Variants in SGCD observed in about 807,000 individuals in gnomAD.
SGCD encodes the protein delta-sarcoglycan.
A neutral mutation model predicts 36.6 loss-of-function variants in SGCD; 18 were observed. The ratio of observed to expected loss-of-function variants is 0.49; its 90% confidence interval spans 0.34 to 0.73. SGCD has a LOEUF of 0.73. Among genes scored for constraint, SGCD ranks in the 30% least tolerant of loss-of-function variants. The probability of loss-of-function intolerance (pLI) is 0.01; values close to 1 mark genes in which losing one functional copy is unlikely to be tolerated. For synonymous variants in SGCD, 133 were observed against 130.6 expected, an observed-to-expected ratio of 1.02 and a Z score of -0.12; for missense variants, 387 against 346.7, an observed-to-expected ratio of 1.12 and a Z score of -0.92.
chr5:156,151,606 A>G (rs1225391735), intron 3 of SGCD, among the ~76,000 whole-genome samples: 1 of 151,548 alleles, frequency 6.6e-6, no homozygotes, highest in Admixed American at 6.6e-5. Context: ...TTCTTAGAGT[A>G]AAAGGACATC....
chr5:156,566,032 C>T (rs1581177120), intron 4 of SGCD, among the ~76,000 whole-genome samples: 1 of 151,876 alleles, frequency 6.6e-6, no homozygotes, highest in African/African-American at 2.4e-5. Flanking sequence ...CAAAAAGTGG[C>T]CAAAGGATAT....
chr5:156,166,801 C>G (rs1382810064), intron 3 of SGCD, among the ~76,000 whole-genome samples: 1 of 152,178 alleles, frequency 6.6e-6, no homozygotes, highest in Non-Finnish European at 1.5e-5. Flanking sequence ...CAAACACTTT[C>G]CACTGAAAAA....
rs532409836 is a variant in SGCD at position 156,337,143 on chromosome 5, G to A, written c.4-7346G>A. On this transcript the variant is annotated intron_variant, in intron 2 of 8. Coordinates refer to ENST00000337851, the MANE Select transcript of SGCD (RefSeq NM_000337.6). The stretch of plus-strand genomic sequence containing the variant: ...AACAGTTTTACCTAAAAACTAATAT[G>A]GCTAATGGATTTCTATTTCTGTACC... Among the ~76,000 whole-genome samples the A allele has an allele frequency of 5.1e-4, 77 of 152,250 alleles. No homozygotes were observed. The South Asian group carries it at 0.016, about 31-fold the overall frequency.
chr5:156,113,226 T>A (rs1761831727), intron 1 of SGCD, among the ~76,000 whole-genome samples: 1 of 152,198 alleles, frequency 6.6e-6, no homozygotes, highest in Non-Finnish European at 1.5e-5. Context: ...TGTTTAAAAA[T>A]ACTTATTTTT....
intron 3 of SGCD, among the ~76,000 whole-genome samples, chr5:156,235,840 C>T (rs912515792): frequency 1.3e-5 from 2 of 152,186 alleles, no homozygotes; most frequent in Admixed American, 6.5e-5. Context: ...AGAGCTCAGT[C>T]TCTCTTCTCA....
chr5:155,769,890 C>T, the SGCD span, among the ~76,000 whole-genome samples: 1 of 152,104 alleles, frequency 6.6e-6, no homozygotes, highest in Admixed American at 6.6e-5. Flanking sequence ...CTCACCAATT[C>T]TGTCCTTTCC....
chr5:156,277,803 T>A (rs1282088877), intron 3 of SGCD, among the ~76,000 whole-genome samples: 2 of 152,112 alleles, frequency 1.3e-5, no homozygotes, highest in Non-Finnish European at 2.9e-5. Flanking sequence ...GATTGAGGAG[T>A]AATTGATCAT....
Position 156,759,291 on chromosome 5 carries a change from G to A in SGCD, c.774G>A (p.Gln258=), listed in dbSNP as rs1757452265. ...CCTACACGCCTACAGGAACGAGGCA[G>A]AAGGTCTTCGAGATCTGCGTCTGCG... is the stretch of plus-strand genomic sequence containing the variant. ...HGSYTPTGTR[Q]KVFEICVCAN... is the part of the protein sequence containing the mutation. Residue 258 remains glutamine (Q), a synonymous_variant, in exon 9 of 9, where the codon CAG becomes CAA. Coordinates refer to ENST00000337851, the MANE Select transcript of SGCD (RefSeq NM_000337.6). The A allele has an allele frequency of 6.2e-7, 1 of 1,613,794 alleles. No individual in the cohort carries two copies. Among genetic ancestry groups the A allele is most frequent in the Non-Finnish European group, 8.5e-7 (1 of 1,179,704 alleles).
At chr5:156,447,492 T>A (rs1753797455) in intron 3 of SGCD, among the ~76,000 whole-genome samples, 1 of 152,188 alleles carries the variant, frequency 6.6e-6, no homozygotes, top group Non-Finnish European at 1.5e-5. Flanking sequence ...ATAATCTTGG[T>A]GTGCCTCATA....
chr5:156,126,707 A>G (rs747649083), intron 3 of SGCD, among the ~76,000 whole-genome samples: 2 of 152,230 alleles, frequency 1.3e-5, no homozygotes, highest in South Asian at 2.1e-4. Flanking sequence ...AAGTGCAGAC[A>G]CTATTAATTA....
intron 6 of SGCD, among the ~76,000 whole-genome samples, chr5:156,614,308 A>G (rs1011502836): frequency 3.3e-5 from 5 of 152,210 alleles, no homozygotes; most frequent in African/African-American, 9.6e-5. Flanking sequence ...TAACTTGTCC[A>G]AAGTTCCACA....
intron 1 of SGCD, among the ~76,000 whole-genome samples, chr5:155,872,191 G>A (rs1044860266): frequency 6.6e-6 from 1 of 152,190 alleles, no homozygotes; most frequent in Non-Finnish European, 1.5e-5. Context: ...TTTCCTAGGT[G>A]AGTAATGCCT....
chr5:156,262,702 C>T (rs1834945), intron 3 of SGCD, among the ~76,000 whole-genome samples: 32,501 of 151,810 alleles, frequency 0.21, 3,898 homozygotes, highest in Admixed American at 0.27. Context: ...ATCCTTTCCC[C>T]CAAGTCCCCA....
At chr5:155,826,173 T>G in the SGCD span, among the ~76,000 whole-genome samples, 1 of 152,198 alleles carries the variant, frequency 6.6e-6, no homozygotes. Flanking sequence ...ATCTGCCTAT[T>G]GCTTTCCAAA....
intron 4 of SGCD, among the ~76,000 whole-genome samples, chr5:156,580,960 A>G (rs965991054): frequency 1.3e-5 from 2 of 152,116 alleles, no homozygotes; most frequent in East Asian, 1.9e-4. Flanking sequence ...AGGAGCTGCT[A>G]TCCTTTGGAG....
chr5:156,043,622 A>G (rs1759689969), intron 1 of SGCD, among the ~76,000 whole-genome samples: 1 of 152,190 alleles, frequency 6.6e-6, no homozygotes, highest in South Asian at 2.1e-4. Context: ...CACCTGGTGC[A>G]TGACTGTGGA....
intron 2 of SGCD, among the ~76,000 whole-genome samples, chr5:156,332,146 G>A (rs1019539834): frequency 6.6e-6 from 1 of 152,196 alleles, no homozygotes; most frequent in African/African-American, 2.4e-5. Flanking sequence ...CATTGGCTGA[G>A]ACCTTCAAAA....
chr5:156,608,741 C>A (rs1380127082), intron 6 of SGCD, among the ~76,000 whole-genome samples: 5 of 152,028 alleles, frequency 3.3e-5, no homozygotes, highest in Non-Finnish European at 7.4e-5. Flanking sequence ...TATTGGGTGC[C>A]TATATATTTA....
At chr5:156,057,621 G>T (rs1334161943) in intron 1 of SGCD, among the ~76,000 whole-genome samples, 1 of 146,190 alleles carries the variant, frequency 6.8e-6, no homozygotes, top group East Asian at 1.9e-4. Flanking sequence ...GTCTGAGGTA[G>T]AAAATGCATG....
Sources: allele counts gnomAD v4.1 joint callset (sites outside exome capture counted in the v4.1 genomes callset), GRCh38; gene constraint gnomAD v4.1.1; transcripts MANE v1.5; gene names NCBI Gene and HGNC (gene_info 2026-07-23, HGNC 2026-07-21).